MTUS2: variants seen among roughly 807,000 people sequenced by gnomAD.
The protein encoded by MTUS2 is microtubule associated scaffold protein 2, also known as microtubule-associated tumor suppressor candidate 2.
Under a neutral mutation model 114.1 loss-of-function variants are expected in MTUS2, and 40 were observed. The observed-to-expected ratio is 0.35, with a 90% CI of 0.27 to 0.46. MTUS2 has a LOEUF of 0.46. Among genes scored for constraint, MTUS2 ranks in the 20% least tolerant of loss-of-function variants. The pLI is 1.00. For missense variants in MTUS2, 1,679 were observed against 1,705.4 expected (o/e 0.98, Z 0.27); for synonymous variants, 688 against 672.0 (o/e 1.02, Z -0.37).
chr13:29,304,675 A>G (rs892072626), intron 6 of MTUS2, among the ~76,000 whole-genome samples: 1 of 152,226 alleles, frequency 6.6e-6, no homozygotes, highest in Non-Finnish European at 1.5e-5. Context: ...TTAAACTCCC[A>G]CAGAATAATA....
chr13:29,116,995 G>A (rs1032967159), intron 5 of MTUS2, among the ~76,000 whole-genome samples: 5 of 152,204 alleles, frequency 3.3e-5, no homozygotes, highest in African/African-American at 1.2e-4. Context: ...TGCAAGTATA[G>A]TGTTTCTTCC....
intron 5 of MTUS2, among the ~76,000 whole-genome samples, chr13:29,211,431 C>T (rs113451895): frequency 3.8e-3 from 574 of 152,270 alleles, no homozygotes; most frequent in African/African-American, 0.013. Context: ...AGCTTCTGTG[C>T]GCCTATCTGT....
intron 5 of MTUS2, among the ~76,000 whole-genome samples, chr13:29,252,545 A>G (rs939335516): frequency 6.6e-6 from 1 of 152,036 alleles, no homozygotes; most frequent in African/African-American, 2.4e-5. Context: ...ACTCCTTCCA[A>G]CATCTAGAAT....
intron 1 of MTUS2, among the ~76,000 whole-genome samples, chr13:28,823,981 A>G (rs1874091150): frequency 6.6e-6 from 1 of 152,156 alleles, no homozygotes; most frequent in South Asian, 2.1e-4. Flanking sequence ...CCATGATTAA[A>G]TTACCTCCCA....
At chr13:28,841,917 C>T (rs1389062675) in intron 2 of MTUS2, among the ~76,000 whole-genome samples, 1 of 152,216 alleles carries the variant, frequency 6.6e-6, no homozygotes, top group Non-Finnish European at 1.5e-5. Flanking sequence ...GATCTCTTGA[C>T]CTCATGATCT....
intron 2 of MTUS2, among the ~76,000 whole-genome samples, chr13:28,953,367 G>T (rs1205681611): frequency 6.6e-6 from 1 of 151,958 alleles, no homozygotes; most frequent in Non-Finnish European, 1.5e-5. Flanking sequence ...AAATTAGCCG[G>T]GCATGGTGGT....
intron 5 of MTUS2, among the ~76,000 whole-genome samples, chr13:29,108,767 T>G (rs1340194453): frequency 6.6e-6 from 1 of 151,994 alleles, no homozygotes; most frequent in Non-Finnish European, 1.5e-5. Flanking sequence ...CTGAGTGAGG[T>G]GAAGAAAGAC....
intron 2 of MTUS2, among the ~76,000 whole-genome samples, chr13:29,018,788 C>CAA (rs1239812033): frequency 9.4e-4 from 76 of 80,722 alleles, no homozygotes; most frequent in African/African-American, 3.4e-3. Context: ...CCGCCCCCTG[C>CAA]AAAAAAAAAA....
chr13:29,298,358 A>G lies in MTUS2; in HGVS notation c.2806+16493A>G, dbSNP rs2139598419. On this transcript the variant is annotated intron_variant, in intron 6 of 15. Transcript: ENST00000612955. ...GGCTGCTACTCAGTAGGCTAAAGAA[A>G]CTCTACTTGTGTCATAAAAATTAAT... 1.3e-5 allele frequency among the ~76,000 whole-genome samples: 2 copies of G among 152,294 alleles called. 1 individual carries two copies. The highest frequency in any genetic ancestry group is 4.2e-4 in the South Asian group (2 of 4,814).
intron 2 of MTUS2, among the ~76,000 whole-genome samples, chr13:28,846,297 C>T (rs1325011018): frequency 6.6e-6 from 1 of 152,112 alleles, no homozygotes; most frequent in Non-Finnish European, 1.5e-5. Context: ...GGGCAGCTCT[C>T]TCTTTGGAGT....
chr13:29,382,342 C>T (rs1025139083), intron 8 of MTUS2, among the ~76,000 whole-genome samples: 1 of 152,076 alleles, frequency 6.6e-6, no homozygotes, highest in South Asian at 2.1e-4. Context: ...GAAGAGCAGA[C>T]CATGCAGTAG....
rs533319443 is a variant in MTUS2, at chr13:29,318,864, G to A, written c.2807-5749G>A. ...GAGATGCTTCTTGCTACACTATGGC[G>A]AAACAGTCTAGGACCATCTGGGTTT... On this transcript the variant is annotated intron_variant, in intron 6 of 15. Coordinates refer to ENST00000612955, the MANE Select transcript of MTUS2 (RefSeq NM_001033602.4). Among the ~76,000 whole-genome samples the A allele has an allele frequency of 9.2e-5, 14 of 152,286 alleles. No individual in the cohort carries two copies. The East Asian group carries it at 1.2e-3, about 13-fold the overall frequency.
intron 2 of MTUS2, among the ~76,000 whole-genome samples, chr13:28,945,178 AT>A (rs979760379): frequency 7.6e-5 from 4 of 52,502 alleles, no homozygotes; most frequent in African/African-American, 1.7e-4. Context: ...GTAGTATTCC[AT>A]TATATATATA....
chr13:29,322,473 G>T (rs972405004), intron 6 of MTUS2, among the ~76,000 whole-genome samples: 3 of 152,204 alleles, frequency 2.0e-5, no homozygotes, highest in African/African-American at 7.2e-5. Flanking sequence ...AAAGAAGCCC[G>T]GAGGAGAGCA....
chr13:28,900,974 A>C (rs185907562), intron 2 of MTUS2, among the ~76,000 whole-genome samples: 30 of 152,196 alleles, frequency 2.0e-4, no homozygotes, highest in African/African-American at 7.0e-4. Context: ...GCTGTGTTAG[A>C]GAGGCTGTAC....
intron 4 of MTUS2, among the ~76,000 whole-genome samples, chr13:29,067,436 A>G (rs1888713902): frequency 6.6e-6 from 1 of 152,176 alleles, no homozygotes; most frequent in East Asian, 1.9e-4. Context: ...CTCATAGACA[A>G]GAGGACCAGT....
chr13:29,140,085 G>T (rs1194557866), intron 5 of MTUS2, among the ~76,000 whole-genome samples: 1 of 152,194 alleles, frequency 6.6e-6, no homozygotes, highest in Non-Finnish European at 1.5e-5. Context: ...GGCTGCTACA[G>T]ATGTCATTTA....
At chr13:28,832,771 C>CTA (rs1555265977) in intron 1 of MTUS2, among the ~76,000 whole-genome samples, 1 of 2,882 alleles carries the variant, frequency 3.5e-4, no homozygotes, top group Non-Finnish European at 7.5e-4. Context: ...AATAGAAAAA[C>CTA]AATAAAATCA....
At chr13:29,309,127 G>A (rs897548427) in intron 6 of MTUS2, among the ~76,000 whole-genome samples, 14 of 152,252 alleles carry the variant, frequency 9.2e-5, no homozygotes, top group East Asian at 3.9e-4. Context: ...ACATGCATGC[G>A]TATGTTTATT....
Sources: gnomAD v4.1 joint callset for allele counts (sites outside exome capture counted in the v4.1 genomes callset) on GRCh38, gnomAD v4.1.1 for gene constraint, MANE v1.5 for transcripts, NCBI Gene and HGNC (gene_info 2026-07-23, HGNC 2026-07-21) for gene names.